The following RIGI variants were observed in gnomAD, a reference collection of about 807,000 sequenced individuals.
RIGI encodes the protein antiviral innate immune response receptor RIG-I.
the RIGI span, among the ~76,000 whole-genome samples, chr9:32,525,139 G>T: frequency 1.3e-5 from 2 of 152,158 alleles, no homozygotes; most frequent in East Asian, 3.8e-4. Context: ...TCCCCTTCTC[G>T]CTATCTCTTT....
the RIGI span, among the ~76,000 whole-genome samples, chr9:32,518,599 A>G: frequency 6.6e-6 from 1 of 152,228 alleles, no homozygotes; most frequent in Non-Finnish European, 1.5e-5. Context: ...GCTAATTAAC[A>G]CTGCTCATAG....
the RIGI span, chr9:32,498,309 C>T: frequency 1.5e-5 from 7 of 456,708 alleles, no homozygotes; most frequent in South Asian, 4.6e-5. Flanking sequence ...GCATGAAGCT[C>T]ACCTGCCCAG....
the RIGI span, chr9:32,466,147 A>G: frequency 2.4e-6 from 2 of 820,190 alleles, no homozygotes; most frequent in Non-Finnish European, 3.8e-6. Flanking sequence ...ATTTAAAAAC[A>G]GAATGAATTT....
At chr9:32,508,124 T>C in the RIGI span, among the ~76,000 whole-genome samples, 1 of 151,906 alleles carries the variant, frequency 6.6e-6, no homozygotes, top group South Asian at 2.1e-4. Context: ...AAGTGGAAAA[T>C]GGTAATATTT....
At chr9:32,471,656 G>A in the RIGI span, among the ~76,000 whole-genome samples, 5 of 152,180 alleles carry the variant, frequency 3.3e-5, no homozygotes, top group Non-Finnish European at 7.3e-5. Flanking sequence ...ACAATGCCTG[G>A]CACAGCACAA....
chr9:32,511,493 A>G, the RIGI span, among the ~76,000 whole-genome samples: 1 of 152,204 alleles, frequency 6.6e-6, no homozygotes, highest in Non-Finnish European at 1.5e-5. Flanking sequence ...CAGGGTAAAT[A>G]TGAAATGAAG....
the RIGI span, among the ~76,000 whole-genome samples, chr9:32,504,926 T>TATAA: frequency 7.4e-6 from 1 of 135,378 alleles, no homozygotes; most frequent in South Asian, 2.2e-4. Flanking sequence ...CTATTATATA[T>TATAA]AGATATAATA....
At chr9:32,504,800 A>T in the RIGI span, among the ~76,000 whole-genome samples, 1 of 135,684 alleles carries the variant, frequency 7.4e-6, no homozygotes, top group African/African-American at 2.7e-5. Context: ...TATTTAATAC[A>T]TAAAATATAT....
the RIGI span, among the ~76,000 whole-genome samples, chr9:32,516,299 ATCT>A: frequency 1.3e-5 from 2 of 152,130 alleles, no homozygotes; most frequent in Non-Finnish European, 2.9e-5. Flanking sequence ...CTAATCTCTC[ATCT>A]TCTTGGCTAC....
At chr9:32,474,589 T>C in the RIGI span, among the ~76,000 whole-genome samples, 7 of 152,236 alleles carry the variant, frequency 4.6e-5, no homozygotes, top group African/African-American at 1.7e-4. Flanking sequence ...GTCTGTGAGA[T>C]GGACCTGTGG....
chr9:32,487,499 CA>C, the RIGI span: 1 of 1,614,140 alleles, frequency 6.2e-7, no homozygotes, highest in South Asian at 1.1e-5. Context: ...CAACTTGCTC[CA>C]GTTCCTCCAG....
At chr9:32,485,781 C>T in the RIGI span, among the ~76,000 whole-genome samples, 4 of 151,990 alleles carry the variant, frequency 2.6e-5, no homozygotes, top group African/African-American at 9.7e-5. Context: ...GCTGGTGACC[C>T]ACCCGCCTTG....
the RIGI span, among the ~76,000 whole-genome samples, chr9:32,462,789 T>G: frequency 6.6e-6 from 1 of 152,130 alleles, no homozygotes; most frequent in Admixed American, 6.5e-5. Flanking sequence ...GCTTAAATGA[T>G]CCTCCCATGT....
chr9:32,485,525 T>A, the RIGI span: 1 of 506,038 alleles, frequency 2.0e-6, no homozygotes, highest in Non-Finnish European at 3.7e-6. Flanking sequence ...TAGGTCTAAC[T>A]AGCTTCTTTT....
the RIGI span, among the ~76,000 whole-genome samples, chr9:32,459,013 C>T: frequency 2.6e-5 from 4 of 151,776 alleles, no homozygotes; most frequent in Non-Finnish European, 4.4e-5. Flanking sequence ...CTCAGCCTCC[C>T]GAGTAACTAA....
the RIGI span, chr9:32,457,360 T>C: frequency 6.8e-6 from 11 of 1,614,082 alleles, no homozygotes; most frequent in Admixed American, 3.3e-5. Context: ...TGGCTTGGGA[T>C]GTGGTCTACT....
the RIGI span, among the ~76,000 whole-genome samples, chr9:32,478,581 A>G: frequency 6.6e-6 from 1 of 152,084 alleles, no homozygotes; most frequent in Non-Finnish European, 1.5e-5. Flanking sequence ...ATTGATTGAG[A>G]TAAGGACTCA....
the RIGI span, among the ~76,000 whole-genome samples, chr9:32,504,535 G>A: frequency 4.0e-5 from 6 of 151,048 alleles, no homozygotes; most frequent in African/African-American, 9.7e-5. Context: ...AAAATTAGCC[G>A]GGCATGGTGG....
chr9:32,525,718 CCTTAT>C, the RIGI span, among the ~76,000 whole-genome samples: 1 of 152,138 alleles, frequency 6.6e-6, no homozygotes, highest in African/African-American at 2.4e-5. Context: ...AAGGAAGAGC[CCTTAT>C]CTTATTTCTC....
Sources: allele counts gnomAD v4.1 joint callset (sites outside exome capture counted in the v4.1 genomes callset), GRCh38; gene constraint gnomAD v4.1.1; transcripts MANE v1.5; gene names NCBI Gene and HGNC (gene_info 2026-07-23, HGNC 2026-07-21).